LARGE1: variants seen among roughly 807,000 people sequenced by gnomAD.
The protein encoded by LARGE1 is xylosyl- and glucuronyltransferase LARGE1.
In LARGE1, 43 loss-of-function variants were observed where a neutral mutation model predicts 87.6. The ratio of observed to expected loss-of-function variants is 0.49; its 90% CI spans 0.38 to 0.63. The LOEUF (loss-of-function observed/expected upper bound fraction) is 0.63. Among genes scored for constraint, LARGE1 ranks in the 30% least tolerant of loss-of-function variants. LARGE1 has a pLI of 0.00. For missense variants in LARGE1, 802 were observed against 1,000.2 expected, an observed-to-expected ratio of 0.80 and a Z score of 2.67; for synonymous variants, 434 against 394.6, an observed-to-expected ratio of 1.10 and a Z score of -1.18.
intron 1 of LARGE1, among the ~76,000 whole-genome samples, chr22:33,837,257 TACACAC>T (rs3072340): frequency 3.5e-4 from 52 of 149,744 alleles, no homozygotes; most frequent in Admixed American, 3.0e-3. Flanking sequence ...GTATTACATA[TACACAC>T]ACACACACAC....
At chr22:33,343,240 C>T (rs6518818) in intron 9 of LARGE1, among the ~76,000 whole-genome samples, 52,992 of 151,748 alleles carry the variant, frequency 0.35, 9,634 homozygotes, top group African/African-American at 0.45. Flanking sequence ...GTGATCCTTC[C>T]CCTGAGTGGC....
rs565750396 is a variant in LARGE1 at position 33,381,743 on chromosome 22, A to G, written c.1131+176T>C. ...GCTTTAGGCTTTCCAGAAAGCCCAAATAAGGGTGGAAAAAAACCAACACCC... is the reference window on the plus strand; with the variant it reads ...GCTTTAGGCTTTCCAGAAAGCCCAAGTAAGGGTGGAAAAAAACCAACACCC... On this transcript the variant is annotated intron_variant, in intron 9 of 14. Coordinates refer to ENST00000397394, the MANE Select transcript of LARGE1 (RefSeq NM_133642.5). Among the ~76,000 whole-genome samples the G allele has an allele frequency of 7.2e-5, 11 of 152,270 alleles. No individual in the cohort carries two copies. The South Asian group carries it at 2.3e-3, about 32-fold the overall frequency.
chr22:33,670,126 C>T (rs1277523763), intron 2 of LARGE1, among the ~76,000 whole-genome samples: 3 of 152,182 alleles, frequency 2.0e-5, no homozygotes, highest in African/African-American at 4.8e-5. Flanking sequence ...CCAACAAGCT[C>T]ATTCTGGTTA....
rs1228187227 is a variant in LARGE1, at chr22:33,265,604, G to A, written c.1730+38625C>T. Among the ~76,000 whole-genome samples, 8 of 152,046 alleles carry A rather than the reference G, an allele frequency of 5.3e-5. 1 individual carries two copies. The highest frequency in any genetic ancestry group is 7.2e-5 in the African/African-American group (3 of 41,412). ...ACCACTTCCCTTTACCAGCCTGTAC[G>A]TCACTACTCACACACCCATCTGCCT... On this transcript the variant is annotated intron_variant, in intron 11 of 11. Transcript: ENST00000608642.
intron 6 of LARGE1, among the ~76,000 whole-genome samples, chr22:33,482,153 A>G (rs1283913369): frequency 6.6e-6 from 1 of 152,194 alleles, no homozygotes; most frequent in Non-Finnish European, 1.5e-5. Flanking sequence ...GGAATTAGGT[A>G]GAATTATTTG....
At chr22:33,523,344 T>C (rs1457516073) in intron 6 of LARGE1, among the ~76,000 whole-genome samples, 1 of 152,090 alleles carries the variant, frequency 6.6e-6, no homozygotes, top group Non-Finnish European at 1.5e-5. Flanking sequence ...CCTTTCTTTT[T>C]ATTTTTGCGA....
At chr22:33,449,979 T>C (rs929055232) in intron 6 of LARGE1, among the ~76,000 whole-genome samples, 4 of 152,130 alleles carry the variant, frequency 2.6e-5, no homozygotes, top group Admixed American at 1.3e-4. Context: ...CAGTGTGATC[T>C]TGGCTCACTG....
the LARGE1 span, among the ~76,000 whole-genome samples, chr22:33,146,059 C>T: frequency 2.0e-5 from 3 of 152,116 alleles, no homozygotes; most frequent in Non-Finnish European, 2.9e-5. Context: ...CTCTAAGGGA[C>T]AAAAATCTTG....
chr22:33,498,498 C>A (rs1475302315), intron 6 of LARGE1, among the ~76,000 whole-genome samples: 1 of 152,108 alleles, frequency 6.6e-6, no homozygotes, highest in Admixed American at 6.5e-5. Flanking sequence ...ACTGCGGCAG[C>A]CGAATGTCTT....
At chr22:33,760,905 C>T (rs137974119) in intron 2 of LARGE1, among the ~76,000 whole-genome samples, 34 of 152,110 alleles carry the variant, frequency 2.2e-4, no homozygotes, top group African/African-American at 8.2e-4. Flanking sequence ...GGTAACAGAG[C>T]GAGACTCCGT....
intron 6 of LARGE1, among the ~76,000 whole-genome samples, chr22:33,517,507 G>A (rs925728229): frequency 2.0e-5 from 3 of 151,860 alleles, no homozygotes; most frequent in East Asian, 1.9e-4. Context: ...TCAGCCTCCC[G>A]AATAGCTGGG....
At chr22:33,408,766 G>C (rs1415916910) in intron 7 of LARGE1, among the ~76,000 whole-genome samples, 3 of 125,542 alleles carry the variant, frequency 2.4e-5, no homozygotes, top group Non-Finnish European at 4.6e-5. Context: ...ATACAAAAAT[G>C]GCCAGGGGGG....
chr22:33,446,947 T>G (rs1040794665), intron 6 of LARGE1, among the ~76,000 whole-genome samples: 3 of 152,172 alleles, frequency 2.0e-5, no homozygotes, highest in African/African-American at 7.2e-5. Context: ...AGGCTGGAAT[T>G]CAGTGGCACC....
chr22:33,071,871 C>A, the LARGE1 span, among the ~76,000 whole-genome samples: 452 of 152,276 alleles, frequency 3.0e-3, 3 homozygotes, highest in African/African-American at 0.011. Flanking sequence ...GAGATCAAGG[C>A]CCCAGCCTTC....
chr22:33,329,472 G>T lies in LARGE1; in HGVS notation c.1287+8174C>A, dbSNP rs1020109356. 3.3e-5 allele frequency among the ~76,000 whole-genome samples: 5 copies of T among 151,962 alleles called. No individual in the cohort carries two copies. The South Asian group carries it at 1.0e-3, about 32-fold the overall frequency. ...GGGGCGTTGGCTGCCTTGGAAAGAAGGAACAAGGAGGCGAGCCCAGAAAGG... is the reference window on the plus strand; with the variant it reads ...GGGGCGTTGGCTGCCTTGGAAAGAATGAACAAGGAGGCGAGCCCAGAAAGG... On this transcript the variant is annotated intron_variant, in intron 10 of 14. Transcript: ENST00000397394.
At position 33,337,727 on chromosome 22, in the gene LARGE1, C is replaced by G. The variant is rs982770696; in HGVS notation, c.1206G>C (p.Leu402=). Residue 402 remains leucine (L), a synonymous_variant, in exon 10 of 15, where the codon CTG becomes CTC. Coordinates refer to ENST00000397394, the MANE Select transcript of LARGE1 (RefSeq NM_133642.5). Reference sequence around the variant, plus strand: ...GATTGCCGTCATACTCCAGGAAGGTCAGGTAGAGGTTGCGAAAAAACTCCA... The same window carrying G: ...GATTGCCGTCATACTCCAGGAAGGTGAGGTAGAGGTTGCGAAAAAACTCCA... ...KHVEFFRNLY[L]TFLEYDGNLL... 3.1e-6 allele frequency: 5 copies of G among 1,613,998 alleles called. No homozygotes were observed. Among genetic ancestry groups the G allele is most frequent in the Non-Finnish European group, 4.2e-6 (5 of 1,180,026 alleles).
At chr22:33,313,561 T>C (rs771915998) in intron 11 of LARGE1, among the ~76,000 whole-genome samples, 1 of 152,222 alleles carries the variant, frequency 6.6e-6, no homozygotes, top group African/African-American at 2.4e-5. Flanking sequence ...TGTGATGTTA[T>C]AGAAGACTCC....
intron 7 of LARGE1, among the ~76,000 whole-genome samples, chr22:33,417,662 A>C (rs1011898146): frequency 6.6e-6 from 1 of 152,194 alleles, no homozygotes; most frequent in South Asian, 2.1e-4. Flanking sequence ...GCAAGACCAA[A>C]GTCAAGGTGC....
At chr22:33,544,888 G>C (rs1459324701) in intron 6 of LARGE1, among the ~76,000 whole-genome samples, 1 of 152,074 alleles carries the variant, frequency 6.6e-6, no homozygotes, top group East Asian at 1.9e-4. Context: ...AGCCAGGGAT[G>C]AGATCAACAC....
Sources: allele counts gnomAD v4.1 joint callset (sites outside exome capture counted in the v4.1 genomes callset), GRCh38; gene constraint gnomAD v4.1.1; transcripts MANE v1.5; gene names NCBI Gene and HGNC (gene_info 2026-07-23, HGNC 2026-07-21).